Variants in RAB3IL1 observed in about 807,000 individuals in gnomAD.
RAB3IL1 encodes the protein guanine nucleotide exchange factor for Rab-3A.
A neutral mutation model predicts 49.2 loss-of-function variants in RAB3IL1; 37 were observed. The ratio of observed to expected loss-of-function variants is 0.75; its 90% confidence interval spans 0.58 to 0.99. The LOEUF is 0.99. Among genes scored for constraint, RAB3IL1 ranks in the 50% least tolerant of loss-of-function variants. RAB3IL1 has a pLI of 0.00. For synonymous variants in RAB3IL1, 193 were observed against 213.9 expected (o/e 0.90, Z 0.85); for missense variants, 484 against 513.0 (o/e 0.94, Z 0.55).
Position 61,898,446 on chromosome 11 carries a change from C to T in RAB3IL1, c.1067-86G>A. ...CCAGGTCCCCTCCTGTGGCTTTGGA[C>T]AGAGCAGCTGGCACAGCACCCTAGG... On this transcript the variant is annotated intron_variant, in intron 9 of 9. Coordinates refer to ENST00000394836, the MANE Select transcript of RAB3IL1 (RefSeq NM_013401.4). The surrounding 1 kb of genome is among the most constrained non-coding windows in gnomAD (Gnocchi z 5.1). The T allele has an allele frequency of 8.4e-7, 1 of 1,186,830 alleles. No individual in the cohort carries two copies. The highest frequency in any genetic ancestry group is 1.2e-6 in the Non-Finnish European group (1 of 804,486). The allele number at this position is 1,186,830 out of a possible 1,614,324, so 73.5% of individuals were successfully genotyped here. A position where few individuals can be genotyped will look rare whatever the true frequency, so the allele number is the denominator to read the frequency against.
upstream of RAB3IL1, among the ~76,000 whole-genome samples, chr11:61,919,751 A>G (rs944370346): frequency 6.6e-6 from 1 of 152,184 alleles, no homozygotes; most frequent in Admixed American, 6.5e-5. Context: ...CAAGCCTGGC[A>G]GCCTTGACCA....
chr11:61,917,550 T>C lies in RAB3IL1; in HGVS notation c.-183A>G, dbSNP rs1173125958. 6.4e-6 allele frequency: 7 copies of C among 1,097,756 alleles called. No individual in the cohort carries two copies. Among genetic ancestry groups the C allele is most frequent in the African/African-American group, 1.7e-5 (1 of 59,790 alleles). 68.0% of individuals were successfully genotyped at this position (1,097,756 alleles called of 1,614,324 possible). ...GCGGCCCCCAGCCCAGCCCCGACCC[T>C]GCCCTGGGCGGGTCACGTGGCGGAG... On this transcript the variant is annotated 5_prime_UTR_variant, in exon 1 of 10. Coordinates refer to ENST00000394836, the MANE Select transcript of RAB3IL1 (RefSeq NM_013401.4).
the RAB3IL1 span, among the ~76,000 whole-genome samples, chr11:61,926,104 CAAAAAAAAAA>C: frequency 6.2e-5 from 4 of 64,064 alleles, no homozygotes; most frequent in African/African-American, 1.8e-4. Flanking sequence ...TCCTTCCTGC[CAAAAAAAAAA>C]AAAAAAAAAA....
chr11:61,901,305 C>T (rs1440058844), intron 8 of RAB3IL1, among the ~76,000 whole-genome samples: 2 of 152,216 alleles, frequency 1.3e-5, no homozygotes, highest in South Asian at 4.1e-4. Flanking sequence ...TCCCTGTCCT[C>T]AATCCCCAGC....
At chr11:61,899,533 C>G (rs1938795078) in intron 8 of RAB3IL1, 153 bp from the exon 9 acceptor site, 2 of 637,322 alleles carry the variant, frequency 3.1e-6, no homozygotes, top group East Asian at 5.5e-5. Context: ...AAGTAGTAAT[C>G]AACAACAGCA....
chr11:61,916,838 G>A (rs1301187708), intron 1 of RAB3IL1, among the ~76,000 whole-genome samples: 1 of 152,074 alleles, frequency 6.6e-6, no homozygotes, highest in Non-Finnish European at 1.5e-5. Flanking sequence ...CTGCGGGGCC[G>A]GGGCGGGGGG....
the RAB3IL1 span, among the ~76,000 whole-genome samples, chr11:61,933,850 C>A: frequency 6.6e-6 from 1 of 151,874 alleles, no homozygotes; most frequent in Non-Finnish European, 1.5e-5. Flanking sequence ...AAGGCTGAGG[C>A]AGGAGAATCA....
intron 8 of RAB3IL1, chr11:61,899,619 G>C (rs552940603): frequency 5.8e-6 from 3 of 517,232 alleles, no homozygotes; most frequent in Non-Finnish European, 1.0e-5. Context: ...CGGAGCAGAC[G>C]CGCTTATTAT....
chr11:61,938,476 T>C, the RAB3IL1 span, among the ~76,000 whole-genome samples: 1 of 152,086 alleles, frequency 6.6e-6, no homozygotes, highest in Non-Finnish European at 1.5e-5. Flanking sequence ...AAGGCAAAAA[T>C]TGTTACAAGG....
upstream of RAB3IL1, among the ~76,000 whole-genome samples, chr11:61,920,761 T>C (rs1939885493): frequency 6.6e-6 from 1 of 152,170 alleles, no homozygotes; most frequent in Non-Finnish European, 1.5e-5. Context: ...CTGTCTCTAC[T>C]AAAAATACAA....
chr11:61,919,420 G>C (rs944405279), upstream of RAB3IL1, among the ~76,000 whole-genome samples: 1 of 152,192 alleles, frequency 6.6e-6, no homozygotes, highest in Non-Finnish European at 1.5e-5. Flanking sequence ...CCCCCAGTAG[G>C]GAGGACCCTC....
In RAB3IL1 at chr11:61,906,470, T is replaced by G; in HGVS notation, c.653A>C (p.Lys218Thr). ...GAGCCCGCTTCCCACCCTCACCTCC[T>G]TGCCCTCTCTGTCTGGGGTGAGGGT... ...GHTLTPDREG[K>T]EVDTILFAEF... is the part of the protein sequence containing the mutation. Residue 218 changes from lysine (K) to threonine (T), a missense_variant, in exon 5 of 10, where the codon AAG (lysine) becomes ACG (threonine). Transcript: ENST00000394836. This position sits in a 1 kb window ranked among gnomAD's most constrained non-coding sequence, Gnocchi z 4.6. 6.5e-7 allele frequency: 1 copy of G among 1,542,888 alleles called. No homozygotes were observed.
chr11:61,899,546 A>T (rs1287535317), intron 8 of RAB3IL1, 166 bp from the exon 9 acceptor site: 1 of 614,738 alleles, frequency 1.6e-6, no homozygotes, highest in Non-Finnish European at 2.9e-6. Context: ...CAACAGCATG[A>T]CTAGCCCTGC....
At chr11:61,942,794 G>A in the RAB3IL1 span, among the ~76,000 whole-genome samples, 1,059 of 152,216 alleles carry the variant, frequency 7.0e-3, 14 homozygotes, top group Admixed American at 0.019. Flanking sequence ...AAGAGACTTC[G>A]GAATATTTTT....
the RAB3IL1 span, among the ~76,000 whole-genome samples, chr11:61,930,270 G>T: frequency 6.6e-6 from 1 of 152,134 alleles, no homozygotes; most frequent in African/African-American, 2.4e-5. Context: ...TTTGTTTAAT[G>T]GGTATGGAGT....
chr11:61,906,577 C>T lies in RAB3IL1; in HGVS notation c.546G>A (p.Lys182=), dbSNP rs1175962362. The change falls in exon 5 of 10, where the codon AAG becomes AAA. Residue 182 remains lysine (K), a synonymous_variant. Coordinates refer to ENST00000394836, the MANE Select transcript of RAB3IL1 (RefSeq NM_013401.4). This position sits in a 1 kb window ranked among gnomAD's most constrained non-coding sequence, Gnocchi z 4.6. ...GAGAGTGGCCCTTTCGGGGCCCGGCCTTGGTGGGGCTCAGCAGCTGGGGGT... is the reference window on the plus strand; with the variant it reads ...GAGAGTGGCCCTTTCGGGGCCCGGCTTTGGTGGGGCTCAGCAGCTGGGGGT... ...ELHPQLLSPT[K]AGPRKGHSRH... 16 of 1,605,654 alleles carry T rather than the reference C, an allele frequency of 1.0e-5. No individual in the cohort carries two copies. Among genetic ancestry groups the T allele is most frequent in the Non-Finnish European group, 1.3e-5 (15 of 1,176,538 alleles).
chr11:61,913,246 C>G (rs1293476781), intron 1 of RAB3IL1, among the ~76,000 whole-genome samples: 2 of 151,986 alleles, frequency 1.3e-5, no homozygotes, highest in African/African-American at 2.4e-5. Flanking sequence ...GTCTGGGACC[C>G]GGGGATGAAA....
upstream of RAB3IL1, among the ~76,000 whole-genome samples, chr11:61,919,560 C>T (rs185286327): frequency 6.6e-6 from 1 of 152,318 alleles, no homozygotes; most frequent in African/African-American, 2.4e-5. Flanking sequence ...AAAGACCACC[C>T]AGAAACTAGA....
chr11:61,934,352 A>ACACG, the RAB3IL1 span, among the ~76,000 whole-genome samples: 1 of 90,510 alleles, frequency 1.1e-5, no homozygotes. Context: ...ACACACACAC[A>ACACG]TATGTATATA....
Sources: allele counts gnomAD v4.1 joint callset (sites outside exome capture counted in the v4.1 genomes callset), GRCh38; gene constraint gnomAD v4.1.1; non-coding constraint Gnocchi (gnomAD v3.1); transcripts MANE v1.5; gene names NCBI Gene and HGNC (gene_info 2026-07-23, HGNC 2026-07-21).